The following KAZN variants were observed in gnomAD, a reference collection of about 807,000 sequenced individuals.
KAZN encodes the protein kazrin, periplakin interacting protein.
Under a neutral mutation model 87.4 loss-of-function variants are expected in KAZN, and 40 were observed. That is an observed-to-expected ratio of 0.46 (90% confidence interval 0.36 to 0.60). The LOEUF (loss-of-function observed/expected upper bound fraction) is 0.60. KAZN is among the 20% of genes least tolerant of loss of function. The pLI is 0.00. For missense variants in KAZN, 898 were observed against 1,073.9 expected, an observed-to-expected ratio of 0.84 and a Z score of 2.29; for synonymous variants, 466 against 458.3, an observed-to-expected ratio of 1.02 and a Z score of -0.22.
chr1:14,188,974 C>T (rs1398381640), intron 2 of KAZN, among the ~76,000 whole-genome samples: 1 of 152,078 alleles, frequency 6.6e-6, no homozygotes, highest in African/African-American at 2.4e-5. Context: ...AATCCTTATA[C>T]ACATTCATAT....
chr1:14,391,464 G>A (rs1556084), intron 2 of KAZN: 32,985 of 152,250 alleles, frequency 0.22, 3,956 homozygotes, highest in East Asian at 0.49. Context: ...CTTACTCCGG[G>A]GAAACCAACA....
Position 14,938,697 on chromosome 1 carries a change from C to T in KAZN, c.227-21987C>T, listed in dbSNP as rs116518431. On this transcript the variant is annotated intron_variant, in intron 1 of 14. Coordinates refer to ENST00000376030, the MANE Select transcript of KAZN (RefSeq NM_201628.3). ...GAAATTTTTGCAGTTAGCATCTGCCCGGGCTTTGCTCTCCCACTTAGAAGG... is the reference window on the plus strand; with the variant it reads ...GAAATTTTTGCAGTTAGCATCTGCCTGGGCTTTGCTCTCCCACTTAGAAGG... Among the ~76,000 whole-genome samples the T allele has an allele frequency of 5.0e-3, 760 of 152,246 alleles. 5 individuals are homozygous for T. The highest frequency in any genetic ancestry group is 0.017 in the African/African-American group (713 of 41,550).
chr1:13,940,723 A>G (rs1295185129), intron 1 of KAZN, among the ~76,000 whole-genome samples: 6 of 152,212 alleles, frequency 3.9e-5, no homozygotes. Context: ...AGTACCTTGT[A>G]TATGATTGGG....
intron 1 of KAZN, among the ~76,000 whole-genome samples, chr1:14,051,471 C>A (rs4662094): frequency 0.16 from 23,812 of 152,184 alleles, 2,294 homozygotes; most frequent in Non-Finnish European, 0.22. Context: ...GATAAAATTT[C>A]TGGGAAGTAA....
intron 2 of KAZN, among the ~76,000 whole-genome samples, chr1:14,372,756 A>C (rs1253928260): frequency 6.6e-6 from 1 of 152,176 alleles, no homozygotes; most frequent in Non-Finnish European, 1.5e-5. Context: ...GTGGCAAAGA[A>C]ACTATGCATT....
At chr1:14,924,416 C>T in intron 1 of KAZN, 4 of 988,074 alleles carry the variant, frequency 4.0e-6, no homozygotes, top group Non-Finnish European at 4.8e-6. Context: ...GCTCGCGGCG[C>T]AGGGCGAGCC....
intron 2 of KAZN, among the ~76,000 whole-genome samples, chr1:14,487,889 G>A (rs1669431041): frequency 6.6e-6 from 1 of 152,184 alleles, no homozygotes; most frequent in Non-Finnish European, 1.5e-5. Context: ...GATCCAGAAG[G>A]AATGGGAGGC....
upstream of KAZN, chr1:14,598,615 C>G (rs1676672499): frequency 4.6e-6 from 5 of 1,081,448 alleles, no homozygotes; most frequent in Admixed American, 5.4e-5. The surrounding 1 kb of genome is among the most constrained non-coding windows in gnomAD (Gnocchi z 4.2). Context: ...AGCCTCCGAC[C>G]GAGACCCCCT....
intron 1 of KAZN, among the ~76,000 whole-genome samples, chr1:14,874,617 G>A (rs1210900737): frequency 6.6e-6 from 1 of 152,178 alleles, no homozygotes; most frequent in Non-Finnish European, 1.5e-5. Context: ...TTAAGCAACT[G>A]TTGCCTGACA....
intron 2 of KAZN, among the ~76,000 whole-genome samples, chr1:14,183,710 C>A (rs1405522853): frequency 2.0e-5 from 3 of 152,038 alleles, no homozygotes; most frequent in African/African-American, 7.3e-5. Context: ...CTCCCTTTAC[C>A]CCCCAAAGAC....
intron 1 of KAZN, among the ~76,000 whole-genome samples, chr1:14,833,524 C>T (rs1023304418): frequency 1.3e-5 from 2 of 152,272 alleles, no homozygotes; most frequent in Middle Eastern, 3.4e-3. Flanking sequence ...GAGCACACCC[C>T]TCAGATATCC....
At chr1:15,078,247 A>G (rs944517501) in intron 8 of KAZN, among the ~76,000 whole-genome samples, 1 of 152,108 alleles carries the variant, frequency 6.6e-6, no homozygotes, top group East Asian at 1.9e-4. Context: ...TCTACTAAAA[A>G]TACAAAAATT....
At position 15,034,755 on chromosome 1, in the gene KAZN, A is replaced by G; in HGVS notation, c.425A>G (p.Lys142Arg). 2.5e-6 allele frequency: 4 copies of G among 1,614,146 alleles called. No individual in the cohort carries two copies. The highest frequency in any genetic ancestry group is 2.5e-6 in the Non-Finnish European group (3 of 1,180,012). Residue 142 changes from lysine to arginine, a missense_variant, in exon 3 of 15, where the codon AAA (lysine) becomes AGA (arginine). Physicochemically the swap from Lys to Arg is conservative, Grantham distance 26 (BLOSUM62 2). Coordinates refer to ENST00000376030, the MANE Select transcript of KAZN (RefSeq NM_201628.3). Reference protein sequence around the residue: ...ARAKEALQAMKADRKRLKGEK... With the variant: ...ARAKEALQAMRADRKRLKGEK... ...CTCTCTCCTTTATCCCCAGCCATGA[A>G]AGCTGATCGGAAGCGCTTAAAGGGC...
At chr1:14,477,801 G>C (rs1668835605) in intron 2 of KAZN, among the ~76,000 whole-genome samples, 1 of 152,224 alleles carries the variant, frequency 6.6e-6, no homozygotes, top group African/African-American at 2.4e-5. Flanking sequence ...GTCCAGAGGA[G>C]CTGACTCTCC....
chr1:14,345,795 C>G (rs1430036899), intron 2 of KAZN, among the ~76,000 whole-genome samples: 1 of 152,144 alleles, frequency 6.6e-6, no homozygotes, highest in East Asian at 1.9e-4. Flanking sequence ...CAGGGACCAT[C>G]CTTTGAACAC....
In KAZN at chr1:15,048,422, A is replaced by ATGTGTGTGTGTGTGTG. The variant is rs111596883; in HGVS notation, c.726+4265_726+4280dup. On this transcript the variant is annotated intron_variant, in intron 4 of 14. Coordinates refer to ENST00000376030, the MANE Select transcript of KAZN (RefSeq NM_201628.3). ...GCCCCAAGGGACCGCATGTGTGTGT[A>ATGTGTGTGTGTGTGTG]TGTGTGTGTGTGTGTGTATGTGTAA... is the stretch of plus-strand genomic sequence containing the variant. Among the ~76,000 whole-genome samples, 27 of 150,938 alleles carry ATGTGTGTGTGTGTGTG rather than the reference A, an allele frequency of 1.8e-4. No individual in the cohort carries two copies. In the East Asian group the frequency reaches 2.5e-3, roughly 14 times the overall value.
chr1:14,974,723 A>G (rs2101858552), intron 2 of KAZN, among the ~76,000 whole-genome samples: 1 of 152,338 alleles, frequency 6.6e-6, no homozygotes, highest in South Asian at 2.1e-4. Flanking sequence ...TGTATATAGG[A>G]TATGATTCCA....
intron 1 of KAZN, among the ~76,000 whole-genome samples, chr1:13,973,918 T>C (rs189579684): frequency 6.6e-5 from 10 of 152,328 alleles, no homozygotes; most frequent in Admixed American, 5.9e-4. Context: ...GGTCTGTTGG[T>C]TCACCAGGAG....
Position 14,736,680 on chromosome 1 carries a change from A to G in KAZN, c.226+137457A>G, listed in dbSNP as rs77309371. 3.9e-3 allele frequency among the ~76,000 whole-genome samples: 599 copies of G among 152,136 alleles called. 7 individuals carry two copies. The highest frequency in any genetic ancestry group is 0.013 in the African/African-American group (526 of 41,486). On this transcript the variant is annotated intron_variant, in intron 1 of 14. Transcript: ENST00000376030. ...GTTGGTCCCCTGACCACACTTTAAG[A>G]AACACTGGCTAAGACAGTTCTATAA...
Sources: gnomAD v4.1 joint callset for allele counts (sites outside exome capture counted in the v4.1 genomes callset) on GRCh38, gnomAD v4.1.1 for gene constraint, Gnocchi (gnomAD v3.1) non-coding constraint, MANE v1.5 for transcripts, NCBI Gene and HGNC (gene_info 2026-07-23, HGNC 2026-07-21) for gene names.